The following CDH12 variants were observed in gnomAD, a reference collection of about 807,000 sequenced individuals.
CDH12 encodes cadherin-12.
Under a neutral mutation model 74.1 loss-of-function variants are expected in CDH12, and 41 were observed. The observed-to-expected ratio is 0.55, with a 90% CI of 0.43 to 0.72. CDH12 has a LOEUF of 0.72. Ranked by LOEUF, CDH12 falls within the 30% of genes least tolerant of loss-of-function variation. The pLI is 0.00. For missense variants in CDH12, 945 were observed against 977.2 expected (o/e 0.97, Z 0.44); for synonymous variants, 399 against 355.0 (o/e 1.12, Z -1.39).
chr5:22,215,285 C>T (rs1484377554), intron 3 of CDH12, among the ~76,000 whole-genome samples: 2 of 152,128 alleles, frequency 1.3e-5, no homozygotes, highest in African/African-American at 4.8e-5. Context: ...AATGTTAAAA[C>T]TGATCAAAAC....
At chr5:22,649,566 A>G (rs1739622454) in intron 1 of CDH12, among the ~76,000 whole-genome samples, 1 of 152,064 alleles carries the variant, frequency 6.6e-6, no homozygotes, top group African/African-American at 2.4e-5. Flanking sequence ...ATAGGATTTC[A>G]AAGATAAGAA....
chr5:22,201,956 G>C (rs1368910757), intron 4 of CDH12, among the ~76,000 whole-genome samples: 1 of 152,164 alleles, frequency 6.6e-6, no homozygotes, highest in African/African-American at 2.4e-5. Context: ...GGATCTGTGG[G>C]AAGTCAGAAG....
At chr5:22,053,736 A>C (rs1419597328) in intron 5 of CDH12, among the ~76,000 whole-genome samples, 1 of 152,102 alleles carries the variant, frequency 6.6e-6, no homozygotes, top group Non-Finnish European at 1.5e-5. Flanking sequence ...ACACTCGATG[A>C]TAGGTGTAAT....
chr5:22,054,027 T>TG (rs1419587501), intron 5 of CDH12, among the ~76,000 whole-genome samples: 2 of 152,050 alleles, frequency 1.3e-5, no homozygotes, highest in Non-Finnish European at 2.9e-5. Context: ...GAACACGACT[T>TG]GTTTTTTTTT....
chr5:21,898,450 C>G (rs530276134), intron 6 of CDH12, among the ~76,000 whole-genome samples: 1 of 152,068 alleles, frequency 6.6e-6, no homozygotes, highest in South Asian at 2.1e-4. Context: ...CGGCTGTAAT[C>G]CCAGCACTTT....
At chr5:22,486,060 T>C (rs979280507) in intron 2 of CDH12, among the ~76,000 whole-genome samples, 2 of 152,172 alleles carry the variant, frequency 1.3e-5, no homozygotes, top group African/African-American at 4.8e-5. Flanking sequence ...CAGCTGCACA[T>C]AGCTGCTGCC....
chr5:22,371,529 T>C (rs988110742), intron 3 of CDH12, among the ~76,000 whole-genome samples: 15 of 152,156 alleles, frequency 9.9e-5, no homozygotes, highest in Non-Finnish European at 1.9e-4. Context: ...TTACATTGGA[T>C]CCTCCAAGTA....
At chr5:22,515,362 A>G (rs1202404775) in intron 1 of CDH12, among the ~76,000 whole-genome samples, 2 of 152,142 alleles carry the variant, frequency 1.3e-5, no homozygotes, top group African/African-American at 4.8e-5. Context: ...GACATTAATA[A>G]TAAATAAGTA....
At chr5:22,804,632 T>A (rs1748694498) in intron 1 of CDH12, among the ~76,000 whole-genome samples, 1 of 152,224 alleles carries the variant, frequency 6.6e-6, no homozygotes. Flanking sequence ...TTTAAATGAT[T>A]GGATGAGGGC....
chr5:22,479,432 T>C (rs1221672972), intron 2 of CDH12, among the ~76,000 whole-genome samples: 2 of 152,202 alleles, frequency 1.3e-5, no homozygotes, highest in African/African-American at 4.8e-5. Flanking sequence ...GCACAGAAGT[T>C]AGACAAGTTT....
At chr5:22,249,323 G>C (rs1753059911) in intron 3 of CDH12, among the ~76,000 whole-genome samples, 1 of 152,208 alleles carries the variant, frequency 6.6e-6, no homozygotes. Context: ...TCATAGGAAA[G>C]AGAGGAAAGC....
intron 1 of CDH12, among the ~76,000 whole-genome samples, chr5:22,799,433 T>C (rs933278922): frequency 6.6e-6 from 1 of 152,194 alleles, no homozygotes; most frequent in Non-Finnish European, 1.5e-5. Context: ...ATCTTCATAA[T>C]ACATAGCCCT....
chr5:22,825,264 A>C (rs1736236893), intron 1 of CDH12, among the ~76,000 whole-genome samples: 1 of 151,556 alleles, frequency 6.6e-6, no homozygotes. Flanking sequence ...GTACATATAT[A>C]TACTTACACA....
intron 3 of CDH12, among the ~76,000 whole-genome samples, chr5:22,322,442 T>C (rs1193294364): frequency 3.3e-5 from 5 of 152,010 alleles, no homozygotes; most frequent in African/African-American, 9.7e-5. Context: ...TTGTGAAGGT[T>C]AGGACTCCAG....
intron 6 of CDH12, among the ~76,000 whole-genome samples, chr5:21,966,996 G>A (rs1432830479): frequency 2.6e-5 from 4 of 152,036 alleles, no homozygotes; most frequent in African/African-American, 9.6e-5. Context: ...TTCTCTTCAC[G>A]GAATATTTTC....
chr5:22,112,087 TCTG>T (rs1744846229), intron 4 of CDH12, among the ~76,000 whole-genome samples: 2 of 116,736 alleles, frequency 1.7e-5, no homozygotes, highest in Admixed American at 8.6e-5. Flanking sequence ...ATTAAACTGC[TCTG>T]CTATTTGTTT....
chr5:22,460,632 A>G (rs959926441), intron 2 of CDH12, among the ~76,000 whole-genome samples: 1 of 151,870 alleles, frequency 6.6e-6, no homozygotes, highest in Non-Finnish European at 1.5e-5. Flanking sequence ...AGAGTCTGGG[A>G]AATGCAAATG....
At position 21,855,619 on chromosome 5, in the gene CDH12, CAT is replaced by C. The variant is rs773361905; in HGVS notation, c.527-831_527-830del. 3.0e-3 allele frequency among the ~76,000 whole-genome samples: 447 copies of C among 150,930 alleles called. 3 individuals are homozygous for C. Among genetic ancestry groups the C allele is most frequent in the African/African-American group, 9.8e-3 (406 of 41,252 alleles). On this transcript the variant is annotated intron_variant, in intron 6 of 14. Coordinates refer to ENST00000382254, the MANE Select transcript of CDH12 (RefSeq NM_004061.5). The stretch of plus-strand genomic sequence containing the variant: ...CCCAAATTGTAGCAAATAAAATAGA[CAT>C]ATATATATATGTATGTGTATATATG...
intron 2 of CDH12, among the ~76,000 whole-genome samples, chr5:22,425,830 T>C (rs1006370510): frequency 1.3e-5 from 2 of 152,132 alleles, no homozygotes; most frequent in African/African-American, 2.4e-5. Context: ...TGCACACCAC[T>C]AAGTATGCTG....
Sources: gnomAD v4.1 joint callset for allele counts (sites outside exome capture counted in the v4.1 genomes callset) on GRCh38, gnomAD v4.1.1 for gene constraint, MANE v1.5 for transcripts, NCBI Gene and HGNC (gene_info 2026-07-23, HGNC 2026-07-21) for gene names.